COL11A1: variants seen among roughly 807,000 people sequenced by gnomAD.
COL11A1 encodes the protein collagen alpha-1(XI) chain.
Under a neutral mutation model 265.2 loss-of-function variants are expected in COL11A1, and 74 were observed. The ratio of observed to expected loss-of-function variants is 0.28; its 90% CI spans 0.23 to 0.34. COL11A1 has a LOEUF of 0.34. COL11A1 is among the 10% of genes least tolerant of loss of function. The pLI, the probability that COL11A1 is intolerant of heterozygous loss-of-function variation, is 1.00. For missense variants in COL11A1, 2,165 were observed against 2,263.6 expected (o/e 0.96, Z 0.88); for synonymous variants, 816 against 727.6 (o/e 1.12, Z -1.96).
intron 4 of COL11A1, among the ~76,000 whole-genome samples, chr1:103,036,844 C>G (rs1668409587): frequency 6.6e-6 from 1 of 152,020 alleles, no homozygotes; most frequent in Admixed American, 6.6e-5. Context: ...GATTAAGGTA[C>G]AGTTGATGCA....
At chr1:103,008,984 A>G (rs959354764) in intron 14 of COL11A1, among the ~76,000 whole-genome samples, 2 of 152,254 alleles carry the variant, frequency 1.3e-5, no homozygotes, top group African/African-American at 2.4e-5. Flanking sequence ...GTATGATAAT[A>G]AAATGGCAAG....
rs1239154521 is a variant in COL11A1, at chr1:102,898,742, T to A, written c.4172A>T (p.Lys1391Ile). Residue 1391 changes from lysine to isoleucine, a missense_variant, in exon 56 of 67, where the codon AAA becomes ATA. Transcript: ENST00000370096. ...TCCCTGAGGACCGACTGGGCCGGTT[T>A]TTCCAGGAGGACCTTCTGCACCTGC... ...GEAGAEGPPG[K>I]TGPVGPQGPA... 2 of 1,613,122 alleles carry A rather than the reference T, an allele frequency of 1.2e-6. No individual in the cohort carries two copies. The highest frequency in any genetic ancestry group is 1.7e-6 in the Non-Finnish European group (2 of 1,179,512).
At chr1:102,981,303 G>T (rs887778348) in intron 31 of COL11A1, among the ~76,000 whole-genome samples, 1 of 151,904 alleles carries the variant, frequency 6.6e-6, no homozygotes, top group Non-Finnish European at 1.5e-5. Context: ...TCTCTACACA[G>T]AATCAGTTAG....
In COL11A1 at chr1:103,043,436, A is replaced by T. The variant is rs181584623; in HGVS notation, c.652-12192T>A. On this transcript the variant is annotated intron_variant, in intron 4 of 66. Transcript: ENST00000370096. ...TATTTTGTTCAATTAAATTCACTGG[A>T]ATATAAACTTCATGAGAGCAGGGAC... 4.5e-3 allele frequency among the ~76,000 whole-genome samples: 687 copies of T among 152,030 alleles called. 1 individual carries two copies. The highest frequency in any genetic ancestry group is 7.6e-3 in the Admixed American group (115 of 15,220).
chr1:103,021,984 C>G (rs1571065002), intron 8 of COL11A1, among the ~76,000 whole-genome samples: 1 of 150,322 alleles, frequency 6.7e-6, no homozygotes, highest in Non-Finnish European at 1.5e-5. Context: ...GTAGCTGAGA[C>G]TACAGGCGCC....
chr1:103,017,647 A>C (rs577027609), intron 11 of COL11A1, among the ~76,000 whole-genome samples, 173 bp downstream of exon 11: 178 of 152,278 alleles, frequency 1.2e-3, no homozygotes, highest in African/African-American at 4.1e-3. Context: ...TGTTTTCCTC[A>C]CTTCAAAATA....
chr1:102,910,149 T>C (rs912153662), intron 54 of COL11A1, among the ~76,000 whole-genome samples: 1 of 151,972 alleles, frequency 6.6e-6, no homozygotes, highest in Non-Finnish European at 1.5e-5. Context: ...GGTTCACACA[T>C]ATATGTCTCT....
chr1:102,958,329 T>TC (rs1250445458), intron 41 of COL11A1, among the ~76,000 whole-genome samples: 1 of 152,016 alleles, frequency 6.6e-6, no homozygotes, highest in Non-Finnish European at 1.5e-5. Flanking sequence ...CTTTTTTTTT[T>TC]CAATATTAAT....
intron 57 of COL11A1, among the ~76,000 whole-genome samples, chr1:102,894,266 G>T (rs1190839361): frequency 6.6e-6 from 1 of 152,100 alleles, no homozygotes; most frequent in Non-Finnish European, 1.5e-5. Flanking sequence ...AGGCTTGGTG[G>T]CTCACGCCTG....
chr1:102,999,314 A>G (rs1290179492), intron 24 of COL11A1, among the ~76,000 whole-genome samples: 1 of 152,002 alleles, frequency 6.6e-6, no homozygotes, highest in Non-Finnish European at 1.5e-5. Flanking sequence ...AGTAACCTTT[A>G]AATTGAAAAG....
intron 35 of COL11A1, among the ~76,000 whole-genome samples, chr1:102,978,077 A>G: frequency 6.6e-6 from 1 of 152,266 alleles, no homozygotes; most frequent in Non-Finnish European, 1.5e-5. Context: ...CTAATTTTTT[A>G]AAGGAATACA....
At position 102,889,493 on chromosome 1, in the gene COL11A1, G is replaced by A; in HGVS notation, c.4426C>T (p.Pro1476Ser). The A allele has an allele frequency of 6.2e-7, 1 of 1,612,982 alleles. No individual in the cohort carries two copies. The highest frequency in any genetic ancestry group is 8.5e-7 in the Non-Finnish European group (1 of 1,179,724). The change falls in exon 59 of 67, where the codon CCT (proline) becomes TCT (serine). Residue 1476 changes from proline to serine, a missense_variant. Coordinates refer to ENST00000370096, the MANE Select transcript of COL11A1 (RefSeq NM_001854.4). ...EQGEKGDRGL[P>S]GTQGSPGAKG... The stretch of plus-strand genomic sequence containing the variant: ...GCTCCTGGAGATCCTTGAGTTCCAG[G>A]GAGCCCTCGGTCACCTTTTTCCCCT...
At chr1:102,980,824 C>T (rs1277147747) in intron 31 of COL11A1, among the ~76,000 whole-genome samples, 2 of 151,996 alleles carry the variant, frequency 1.3e-5, no homozygotes, top group Admixed American at 1.3e-4. Context: ...GCAGTGAGGT[C>T]CAGGAATCTG....
chr1:102,997,011 G>T, intron 26 of COL11A1, 69 bp downstream of exon 26: 3 of 1,292,536 alleles, frequency 2.3e-6, no homozygotes, highest in South Asian at 1.2e-5. Context: ...TATATGAGAT[G>T]ACCAAATTAA....
chr1:103,091,154 A>T (rs1263108490), intron 1 of COL11A1, among the ~76,000 whole-genome samples: 3 of 152,070 alleles, frequency 2.0e-5, no homozygotes, highest in Non-Finnish European at 2.9e-5. Context: ...ATATAACTAT[A>T]GCTTAAACAC....
chr1:102,925,552 T>C (rs1056868286), intron 46 of COL11A1, among the ~76,000 whole-genome samples: 3 of 152,092 alleles, frequency 2.0e-5, no homozygotes, highest in African/African-American at 7.2e-5. Context: ...GAAAAGAGAC[T>C]GCTATATATA....
chr1:102,889,809 G>T (rs529358668), intron 58 of COL11A1, among the ~76,000 whole-genome samples: 6 of 151,956 alleles, frequency 3.9e-5, no homozygotes, highest in Non-Finnish European at 8.8e-5. Flanking sequence ...AAAACAAAAT[G>T]CTTTCTAAAA....
chr1:103,019,074 G>A (rs1261520228), intron 9 of COL11A1, among the ~76,000 whole-genome samples: 1 of 152,150 alleles, frequency 6.6e-6, no homozygotes, highest in Admixed American at 6.6e-5. Flanking sequence ...TGTGAATTAA[G>A]TGGAGTGGAA....
At chr1:103,042,801 C>G (rs552253791) in intron 4 of COL11A1, among the ~76,000 whole-genome samples, 1 of 146,950 alleles carries the variant, frequency 6.8e-6, no homozygotes, top group South Asian at 2.1e-4. Flanking sequence ...GCTCAAACTT[C>G]TGAAACTACC....
Sources: allele counts gnomAD v4.1 joint callset (sites outside exome capture counted in the v4.1 genomes callset), GRCh38; gene constraint gnomAD v4.1.1; transcripts MANE v1.5; gene names NCBI Gene and HGNC (gene_info 2026-07-23, HGNC 2026-07-21).